The following KCNN1 variants were observed in gnomAD, a reference collection of about 807,000 sequenced individuals.
KCNN1 encodes the protein small conductance calcium-activated potassium channel protein 1.
A neutral mutation model predicts 44.7 loss-of-function variants in KCNN1; 20 were observed. That is an observed-to-expected ratio of 0.45 (90% CI 0.32 to 0.65). The LOEUF is 0.65. KCNN1 is among the 30% of genes least tolerant of loss of function. The probability of loss-of-function intolerance (pLI) is 0.05; values close to 1 mark genes in which losing one functional copy is unlikely to be tolerated. For synonymous variants in KCNN1, 324 were observed against 341.7 expected (o/e 0.95, Z 0.57); for missense variants, 632 against 785.3 (o/e 0.80, Z 2.33).
intron 4 of KCNN1, 104 bp downstream of exon 4, chr19:17,982,231 G>A (rs1198572939): frequency 2.1e-5 from 21 of 990,290 alleles, no homozygotes; most frequent in Admixed American, 5.8e-5. Flanking sequence ...CCCGACCCTG[G>A]CCATTGCTTC....
At chr19:17,959,041 G>A (rs1226987217) in intron 2 of KCNN1, among the ~76,000 whole-genome samples, 1 of 150,270 alleles carries the variant, frequency 6.7e-6, no homozygotes. Context: ...TTTTGGAGAC[G>A]GAGTCTTGCT....
chr19:17,984,970 C>G (rs748698590), intron 4 of KCNN1, among the ~76,000 whole-genome samples: 2 of 152,098 alleles, frequency 1.3e-5, no homozygotes, highest in African/African-American at 4.8e-5. Flanking sequence ...TGGTGTCTGT[C>G]CTGAATTCTT....
rs1568460314 is a variant in KCNN1, at chr19:17,993,110, ATGG to A, written c.1307+53_1307+55del. On this transcript the variant is annotated intron_variant, in intron 8 of 9. Transcript: ENST00000684775. The surrounding 1 kb of genome is among the most constrained non-coding windows in gnomAD (Gnocchi z 4.5). ...GGTGGGGCTGGGAAATCGGGGGTGC[ATGG>A]TGGTCACAGACAGGGGGTACACCCG... 6.2e-7 allele frequency: 1 copy of A among 1,611,824 alleles called. No homozygotes were observed.
chr19:17,963,076 C>T (rs190011323), upstream of KCNN1, among the ~76,000 whole-genome samples: 781 of 140,714 alleles, frequency 5.6e-3, 7 homozygotes, highest in African/African-American at 0.018. Context: ...GGCGCGATCT[C>T]GGTTCACTGC....
rs1214602080 is a variant in KCNN1 at position 17,985,333 on chromosome 19, G to A, written c.939G>A (p.Val313=). 6.2e-7 allele frequency: 1 copy of A among 1,606,492 alleles called. No homozygotes were observed. The highest frequency in any genetic ancestry group is 8.5e-7 in the Non-Finnish European group (1 of 1,175,730). The change falls in exon 5 of 10, where the codon GTG becomes GTA. Residue 313 remains valine, a synonymous_variant. Coordinates refer to ENST00000684775, the MANE Select transcript of KCNN1 (RefSeq NM_001386974.1). ...VCERYHDKQE[V]TSNFLGAMWL... ...CCAGGTACCACGACAAGCAGGAAGT[G>A]ACCAGCAACTTCCTGGGGGCCATGT...
At chr19:17,951,905 G>C (rs1453843752) in intron 1 of KCNN1, among the ~76,000 whole-genome samples, 1 of 152,230 alleles carries the variant, frequency 6.6e-6, no homozygotes, top group Non-Finnish European at 1.5e-5. Flanking sequence ...TGGGACACTG[G>C]GCCCTGGCCA....
intron 2 of KCNN1, among the ~76,000 whole-genome samples, chr19:17,961,672 C>T (rs1009822644): frequency 1.3e-5 from 2 of 150,878 alleles, no homozygotes; most frequent in Non-Finnish European, 2.9e-5. Context: ...ACCTCTGCCT[C>T]CCAGGTTCAA....
chr19:17,955,390 C>T (rs111628740), intron 2 of KCNN1, among the ~76,000 whole-genome samples: 28,729 of 151,090 alleles, frequency 0.19, 2,947 homozygotes, highest in East Asian at 0.37. Flanking sequence ...GTGAAACCCC[C>T]ATCTCTACTA....
chr19:17,962,690 C>T (rs2031708826), upstream of KCNN1, among the ~76,000 whole-genome samples: 2 of 151,960 alleles, frequency 1.3e-5, no homozygotes, highest in Admixed American at 6.6e-5. Flanking sequence ...CCCGAGGGAG[C>T]CAACACTCCA....
chr19:17,988,384 C>T (rs770817357), intron 5 of KCNN1, 31 bp from the exon 6 acceptor site: 10 of 1,571,072 alleles, frequency 6.4e-6, no homozygotes, highest in South Asian at 2.3e-5. Flanking sequence ...CAAGACAGGA[C>T]GCTGATGTGC....
At chr19:17,952,658 A>G (rs759305685) in intron 1 of KCNN1, among the ~76,000 whole-genome samples, 32 of 152,038 alleles carry the variant, frequency 2.1e-4, no homozygotes, top group Non-Finnish European at 2.8e-4. Context: ...GTGGGGGGAA[A>G]GCACCGCTGG....
intron 5 of KCNN1, among the ~76,000 whole-genome samples, chr19:17,986,344 C>G (rs2032594967): frequency 6.8e-6 from 1 of 147,452 alleles, no homozygotes; most frequent in African/African-American, 2.6e-5. Context: ...GCCTGGGCAA[C>G]CAGAGTGAAC....
At chr19:17,958,668 A>T (rs1366605747) in intron 2 of KCNN1, among the ~76,000 whole-genome samples, 2 of 149,202 alleles carry the variant, frequency 1.3e-5, no homozygotes, top group Non-Finnish European at 3.0e-5. Flanking sequence ...TTTTTATTTT[A>T]TTTATTTATA....
At chr19:17,961,586 C>CTTTCTTT (rs113710284) in intron 2 of KCNN1, among the ~76,000 whole-genome samples, 107 of 130,050 alleles carry the variant, frequency 8.2e-4, no homozygotes, top group African/African-American at 1.6e-3. Context: ...TTCTTTCTTT[C>CTTTCTTT]TTTTTTTTTT....
intron 2 of KCNN1, among the ~76,000 whole-genome samples, chr19:17,959,484 C>A (rs2031628803): frequency 6.6e-6 from 1 of 152,030 alleles, no homozygotes; most frequent in Non-Finnish European, 1.5e-5. Context: ...TCTTGAACTC[C>A]TGACCTCATG....
In KCNN1 at chr19:17,981,993, G is replaced by A. The variant is rs772726994; in HGVS notation, c.783G>A (p.Gly261=). The A allele has an allele frequency of 6.2e-6, 10 of 1,610,884 alleles. No individual in the cohort carries two copies. Among genetic ancestry groups the A allele is most frequent in the Non-Finnish European group, 8.5e-6 (10 of 1,178,790 alleles). Residue 261 remains glycine, a synonymous_variant, in exon 4 of 10, where the codon GGG becomes GGA. Transcript: ENST00000684775. ...CGGACGCCTCGAGCCGCAGCATCGG[G>A]GCCCTCAACAAGATCACCTTCAACA... The part of the protein sequence containing the change: ...IFTDASSRSI[G]ALNKITFNTR...
chr19:17,967,599 A>G (rs2031859557), intron 1 of KCNN1, among the ~76,000 whole-genome samples: 1 of 144,548 alleles, frequency 6.9e-6, no homozygotes, highest in Non-Finnish European at 1.5e-5. Context: ...AACTGCATAG[A>G]TAGGGTTGGA....
chr19:17,971,619 C>A (rs1281556901), intron 1 of KCNN1, among the ~76,000 whole-genome samples: 2 of 151,950 alleles, frequency 1.3e-5, no homozygotes, highest in Non-Finnish European at 2.9e-5. Flanking sequence ...TGGGCCACCA[C>A]GCCCAGCTAA....
chr19:17,973,857 G>A lies in KCNN1; in HGVS notation c.-32G>A. ...AGCCATGCCGGGCCCCGGGCGGCCT[G>A]CAGCGAGCCCAACCCCTGCACCCAG... On this transcript the variant is annotated 5_prime_UTR_variant, in exon 2 of 10. Coordinates refer to ENST00000684775, the MANE Select transcript of KCNN1 (RefSeq NM_001386974.1). 1 of 1,543,664 alleles carries A rather than the reference G, an allele frequency of 6.5e-7. No individual in the cohort carries two copies.
Sources: gnomAD v4.1 joint callset for allele counts (sites outside exome capture counted in the v4.1 genomes callset) on GRCh38, gnomAD v4.1.1 for gene constraint, Gnocchi (gnomAD v3.1) non-coding constraint, MANE v1.5 for transcripts, NCBI Gene and HGNC (gene_info 2026-07-23, HGNC 2026-07-21) for gene names.